The following PCDH15 variants were observed in gnomAD, a reference collection of about 807,000 sequenced individuals.
The protein encoded by PCDH15 is protocadherin related 15.
PCDH15 carries 129 observed loss-of-function variants against 178.5 expected under a neutral mutation model. That is an observed-to-expected ratio of 0.72 (90% CI 0.63 to 0.84). PCDH15 has a LOEUF of 0.84. Ranked by LOEUF, PCDH15 falls within the 40% of genes least tolerant of loss-of-function variation. The pLI, the probability that PCDH15 is intolerant of heterozygous loss-of-function variation, is 0.00. For missense variants in PCDH15, 2,230 were observed against 2,099.9 expected (o/e 1.06, Z -1.21); for synonymous variants, 800 against 732.0 (o/e 1.09, Z -1.50).
At chr10:55,452,646 G>C (rs1215710004) in intron 2 of PCDH15, among the ~76,000 whole-genome samples, 1 of 151,908 alleles carries the variant, frequency 6.6e-6, no homozygotes, top group Non-Finnish European at 1.5e-5. Flanking sequence ...TGTTTTCTTA[G>C]TAAACCTCTT....
chr10:55,055,371 T>G (rs1000817587), intron 2 of PCDH15, among the ~76,000 whole-genome samples: 7 of 152,190 alleles, frequency 4.6e-5, no homozygotes, highest in African/African-American at 1.7e-4. Flanking sequence ...CCCTGAATGA[T>G]ATTAGTCACT....
chr10:54,412,341 T>C (rs1336657238), intron 3 of PCDH15, among the ~76,000 whole-genome samples: 1 of 151,878 alleles, frequency 6.6e-6, no homozygotes, highest in East Asian at 1.9e-4. Context: ...TGCTTGAATA[T>C]TACATCTTTA....
intron 1 of PCDH15, among the ~76,000 whole-genome samples, chr10:54,753,512 CAAAA>C (rs376044480): frequency 0.021 from 3,149 of 151,572 alleles, 105 homozygotes; most frequent in African/African-American, 0.07. Context: ...AACAAACAAA[CAAAA>C]AAAAAAACTT....
intron 25 of PCDH15, among the ~76,000 whole-genome samples, chr10:53,932,526 G>A (rs1203035193): frequency 1.3e-5 from 2 of 152,144 alleles, no homozygotes; most frequent in Non-Finnish European, 2.9e-5. Flanking sequence ...TACTGTAGTT[G>A]CCAATGTTAA....
At chr10:55,111,900 T>C (rs1837517492) in intron 2 of PCDH15, among the ~76,000 whole-genome samples, 1 of 152,190 alleles carries the variant, frequency 6.6e-6, no homozygotes, top group Non-Finnish European at 1.5e-5. Flanking sequence ...AATTGCTGTT[T>C]CACTGTTATC....
intron 2 of PCDH15, among the ~76,000 whole-genome samples, chr10:55,423,197 T>C (rs1395003714): frequency 6.6e-6 from 1 of 151,960 alleles, no homozygotes; most frequent in Non-Finnish European, 1.5e-5. Flanking sequence ...TTGTTATGCT[T>C]CTCTGGGGGC....
At chr10:54,523,620 T>G (rs1355494837) in intron 3 of PCDH15, among the ~76,000 whole-genome samples, 4 of 152,200 alleles carry the variant, frequency 2.6e-5, no homozygotes, top group Non-Finnish European at 5.9e-5. Context: ...TTTGAATATT[T>G]GTTTTGAAAA....
At chr10:55,110,025 T>G (rs963879953) in intron 2 of PCDH15, among the ~76,000 whole-genome samples, 1 of 151,510 alleles carries the variant, frequency 6.6e-6, no homozygotes, top group Non-Finnish European at 1.5e-5. Flanking sequence ...ATATATATTA[T>G]TTGTTGTATT....
chr10:55,467,343 G>T (rs906646913), intron 2 of PCDH15, among the ~76,000 whole-genome samples: 1 of 150,104 alleles, frequency 6.7e-6, no homozygotes, highest in African/African-American at 2.5e-5. Flanking sequence ...AAGGAAACAG[G>T]AGGAAAAGAA....
At chr10:54,509,145 A>C (rs2081420448) in intron 3 of PCDH15, among the ~76,000 whole-genome samples, 1 of 152,020 alleles carries the variant, frequency 6.6e-6, no homozygotes, top group Non-Finnish European at 1.5e-5. Flanking sequence ...GGTTATTGAC[A>C]CTTATTGATG....
At position 53,870,155 on chromosome 10, in the gene PCDH15, CTAATA is replaced by C. The variant is rs2079735324; in HGVS notation, c.3502-3303_3502-3299del. Among the ~76,000 whole-genome samples, 5 of 152,072 alleles carry C rather than the reference CTAATA, an allele frequency of 3.3e-5. No homozygotes were observed. The South Asian group carries it at 1.0e-3, about 31-fold the overall frequency. On this transcript the variant is annotated intron_variant, in intron 26 of 37. Transcript: ENST00000644397. Reference sequence around the variant, plus strand: ...CAGGTAATTTCACTTTGCAATATTCCTAATATATTAAATTATGATAACTACAAAAT... The same window carrying C: ...CAGGTAATTTCACTTTGCAATATTCCTATTAAATTATGATAACTACAAAAT...
intron 2 of PCDH15, among the ~76,000 whole-genome samples, chr10:54,634,713 T>C (rs2093800700): frequency 6.6e-6 from 1 of 152,040 alleles, no homozygotes; most frequent in African/African-American, 2.4e-5. Context: ...CTTGCGCGTA[T>C]ACACTATCTT....
chr10:54,193,560 T>C (rs956129254), intron 11 of PCDH15, among the ~76,000 whole-genome samples: 9 of 152,152 alleles, frequency 5.9e-5, no homozygotes, highest in African/African-American at 1.9e-4. Flanking sequence ...TCAGCCTGGA[T>C]TGAAGTTATT....
intron 10 of PCDH15, among the ~76,000 whole-genome samples, chr10:54,199,570 C>T (rs1020202): frequency 0.29 from 40,786 of 142,316 alleles, 7,253 homozygotes; most frequent in African/African-American, 0.5. Flanking sequence ...ACAACAACAA[C>T]AATAATAATA....
intron 1 of PCDH15, among the ~76,000 whole-genome samples, chr10:54,783,830 A>G (rs1349189256): frequency 1.3e-5 from 2 of 152,138 alleles, no homozygotes; most frequent in African/African-American, 4.8e-5. Context: ...GGTGCACTAT[A>G]ATCTCAGACT....
At chr10:54,429,616 G>A (rs1956718391) in intron 3 of PCDH15, among the ~76,000 whole-genome samples, 1 of 151,956 alleles carries the variant, frequency 6.6e-6, no homozygotes, top group Non-Finnish European at 1.5e-5. Flanking sequence ...GACACACATC[G>A]ACTGAAAGTA....
intron 15 of PCDH15, among the ~76,000 whole-genome samples, chr10:54,127,236 T>C (rs1201092930): frequency 6.6e-6 from 1 of 152,188 alleles, no homozygotes; most frequent in African/African-American, 2.4e-5. Context: ...GTCATACTTT[T>C]ATTCCATTGC....
chr10:54,906,615 G>A (rs531933471), intron 2 of PCDH15, among the ~76,000 whole-genome samples: 42 of 152,184 alleles, frequency 2.8e-4, no homozygotes, highest in African/African-American at 9.6e-4. Context: ...ATTGCCAGGG[G>A]TAATATTCCT....
intron 15 of PCDH15, among the ~76,000 whole-genome samples, chr10:54,110,224 G>C (rs1025646499): frequency 1.3e-5 from 2 of 151,148 alleles, no homozygotes; most frequent in Admixed American, 6.6e-5. Flanking sequence ...GCAGGAGATT[G>C]GTTTAACCCA....
Sources: allele counts gnomAD v4.1 joint callset (sites outside exome capture counted in the v4.1 genomes callset), GRCh38; gene constraint gnomAD v4.1.1; transcripts MANE v1.5; gene names NCBI Gene and HGNC (gene_info 2026-07-23, HGNC 2026-07-21).